CFAP77: variants seen among roughly 807,000 people sequenced by gnomAD.
CFAP77 encodes the protein cilia and flagella associated protein 77, also known as cilia- and flagella-associated protein 77.
A neutral mutation model predicts 31.1 loss-of-function variants in CFAP77; 25 were observed. The ratio of observed to expected loss-of-function variants is 0.80; its 90% CI spans 0.59 to 1.12. CFAP77 has a LOEUF of 1.12. CFAP77 is among the 50% of genes most tolerant of loss of function. The probability of loss-of-function intolerance (pLI) is 0.00; values close to 1 mark genes in which losing one functional copy is unlikely to be tolerated. For missense variants in CFAP77, 377 were observed against 397.3 expected (o/e 0.95, Z 0.44); for synonymous variants, 151 against 159.9 (o/e 0.94, Z 0.42).
At chr9:132,433,971 TAAAA>T (rs1229342874) in intron 1 of CFAP77, among the ~76,000 whole-genome samples, 2 of 129,926 alleles carry the variant, frequency 1.5e-5, no homozygotes, top group African/African-American at 2.9e-5. Context: ...ACCCCATGTG[TAAAA>T]AAAAAAAAAA....
chr9:132,423,448 C>G (rs551736674), intron 1 of CFAP77, among the ~76,000 whole-genome samples: 1 of 152,178 alleles, frequency 6.6e-6, no homozygotes, highest in South Asian at 2.1e-4. Flanking sequence ...CACTGTGTGC[C>G]GGGCACTGTG....
At position 132,572,464 on chromosome 9, in the gene CFAP77, C is replaced by G. The variant is rs775040831; in HGVS notation, c.809C>G (p.Ala270Gly). The change falls in exon 6 of 6, where the codon GCC (alanine) becomes GGC (glycine). Residue 270 changes from alanine to glycine, a missense_variant. Physicochemically the swap from Ala to Gly is moderately conservative, Grantham distance 60. Coordinates refer to ENST00000393216, the MANE Select transcript of CFAP77 (RefSeq NM_001282957.2). The part of the protein sequence containing the change: ...RALKAHREEC[A>G]VRQGTLRMGN... ...TTAAAAGCCCACCGGGAAGAGTGTG[C>G]CGTGCGCCAGGGGACCCTGCGGATG... 1.2e-6 allele frequency: 2 copies of G among 1,611,086 alleles called. No homozygotes were observed. Among genetic ancestry groups the G allele is most frequent in the African/African-American group, 2.7e-5 (2 of 74,912 alleles).
intron 1 of CFAP77, among the ~76,000 whole-genome samples, chr9:132,443,157 T>C (rs1850644100): frequency 6.6e-6 from 1 of 152,204 alleles, no homozygotes; most frequent in Admixed American, 6.5e-5. Context: ...AATGGCTAAA[T>C]AATACTCAAT....
chr9:132,496,592 A>T (rs1290343757), intron 1 of CFAP77, among the ~76,000 whole-genome samples: 1 of 152,200 alleles, frequency 6.6e-6, no homozygotes, highest in Non-Finnish European at 1.5e-5. Flanking sequence ...ATCATGCAGG[A>T]TGCGGCAGCC....
At chr9:132,518,389 AT>A (rs1345596462) in intron 3 of CFAP77, among the ~76,000 whole-genome samples, 1 of 152,198 alleles carries the variant, frequency 6.6e-6, no homozygotes, top group Admixed American at 6.5e-5. Context: ...CAGCTTAACC[AT>A]TAGGGGCAAA....
chr9:132,423,784 T>G (rs772814501), intron 1 of CFAP77, among the ~76,000 whole-genome samples: 3 of 152,194 alleles, frequency 2.0e-5, no homozygotes, highest in Non-Finnish European at 2.9e-5. Context: ...CAAGGCCACA[T>G]GAAGGGTAAA....
chr9:132,552,836 C>T lies in CFAP77; in HGVS notation c.732+9789C>T, dbSNP rs944168443. ...AGTGTCAACTCCACTCTTACAGTTA[C>T]GTTCAAATATGTGTTTACTGTGGCA... On this transcript the variant is annotated intron_variant, in intron 5 of 5. Transcript: ENST00000393216. The surrounding 1 kb of genome is among the most constrained non-coding windows in gnomAD (Gnocchi z 5.5). Among the ~76,000 whole-genome samples the T allele has an allele frequency of 3.9e-5, 6 of 152,064 alleles. 1 individual carries two copies. Among genetic ancestry groups the T allele is most frequent in the Admixed American group, 3.9e-4 (6 of 15,266 alleles).
intron 1 of CFAP77, among the ~76,000 whole-genome samples, chr9:132,419,172 T>A (rs1469313497): frequency 1.3e-5 from 2 of 152,268 alleles, no homozygotes; most frequent in African/African-American, 2.4e-5. Context: ...GGATTTTTGA[T>A]CTTTTATATG....
intron 1 of CFAP77, among the ~76,000 whole-genome samples, chr9:132,484,189 C>T (rs1235745621): frequency 6.6e-6 from 1 of 152,138 alleles, no homozygotes; most frequent in Non-Finnish European, 1.5e-5. Context: ...CTGCCCGCCT[C>T]AGCCTCCCAA....
At chr9:132,438,590 G>A (rs1008571148) in intron 1 of CFAP77, among the ~76,000 whole-genome samples, 37 of 142,016 alleles carry the variant, frequency 2.6e-4, no homozygotes, top group Admixed American at 2.5e-3. Flanking sequence ...AGGCTGGAAT[G>A]TGGTGTCACA....
rs941081937 is a variant in CFAP77, at chr9:132,554,039, C to A, written c.732+10992C>A. On this transcript the variant is annotated intron_variant, in intron 5 of 5. Coordinates refer to ENST00000393216, the MANE Select transcript of CFAP77 (RefSeq NM_001282957.2). This position sits in a 1 kb window ranked among gnomAD's most constrained non-coding sequence, Gnocchi z 4.1. ...CACCATTCCAGGGGCTTGGCAATGACCCCACGGGATGGGTAGTATGACCCT... is the reference window on the plus strand; with the variant it reads ...CACCATTCCAGGGGCTTGGCAATGAACCCACGGGATGGGTAGTATGACCCT... Among the ~76,000 whole-genome samples the A allele has an allele frequency of 6.6e-5, 10 of 152,302 alleles. No homozygotes were observed. The highest frequency in any genetic ancestry group is 5.9e-5 in the Non-Finnish European group (4 of 68,032).
At chr9:132,513,920 TGA>T (rs1564235487) in intron 3 of CFAP77, among the ~76,000 whole-genome samples, 1 of 123,464 alleles carries the variant, frequency 8.1e-6, no homozygotes, top group South Asian at 2.3e-4. Flanking sequence ...TGTGAGGAGA[TGA>T]CCCTTCCCCT....
chr9:132,569,728 CTTTTTTTTTTTT>C (rs558402201), intron 5 of CFAP77, among the ~76,000 whole-genome samples: 3 of 98,470 alleles, frequency 3.0e-5, no homozygotes, highest in Non-Finnish European at 5.7e-5. Flanking sequence ...TCTAGCTGCC[CTTTTTTTTTTTT>C]TTTTTTTTTT....
intron 1 of CFAP77, among the ~76,000 whole-genome samples, chr9:132,415,671 C>T (rs1437351175): frequency 6.6e-6 from 1 of 152,210 alleles, no homozygotes. Flanking sequence ...TCTTCTCACA[C>T]CTTCCAGAGC....
At position 132,517,135 on chromosome 9, in the gene CFAP77, C is replaced by A. The variant is rs557676376; in HGVS notation, c.524+17535C>A. 6.6e-6 allele frequency among the ~76,000 whole-genome samples: 1 copy of A among 152,084 alleles called. No homozygotes were observed. Among genetic ancestry groups the A allele is most frequent in the Non-Finnish European group, 1.5e-5 (1 of 68,002 alleles). Reference sequence around the variant, plus strand: ...TCCCTCATGGATCGGGTGTCGATTTCGTATCGTGGAGAGAAGCCCAGCCCT... The same window carrying A: ...TCCCTCATGGATCGGGTGTCGATTTAGTATCGTGGAGAGAAGCCCAGCCCT... On this transcript the variant is annotated intron_variant, in intron 3 of 5. Transcript: ENST00000393216. This position sits in a 1 kb window ranked among gnomAD's most constrained non-coding sequence, Gnocchi z 4.7.
At chr9:132,484,762 A>G (rs1355169282) in intron 1 of CFAP77, among the ~76,000 whole-genome samples, 2 of 152,114 alleles carry the variant, frequency 1.3e-5, no homozygotes, top group Non-Finnish European at 2.9e-5. Context: ...AGTAGCTATA[A>G]ATATGAACAC....
Position 132,498,538 on chromosome 9 carries a change from C to A in CFAP77, c.196-157C>A, listed in dbSNP as rs1851782459. 6.6e-6 allele frequency among the ~76,000 whole-genome samples: 1 copy of A among 152,162 alleles called. No individual in the cohort carries two copies. The highest frequency in any genetic ancestry group is 6.5e-5 in the Admixed American group (1 of 15,282). ...GTGCCAGCCACAGCCTGCGCTCCTC[C>A]CAGGGAGGGCTCTGCCACCCACTCC... On this transcript the variant is annotated intron_variant, in intron 1 of 5. Coordinates refer to ENST00000393216, the MANE Select transcript of CFAP77 (RefSeq NM_001282957.2). The surrounding 1 kb of genome is among the most constrained non-coding windows in gnomAD (Gnocchi z 4.2).
chr9:132,484,522 G>A (rs1589878640), intron 1 of CFAP77, among the ~76,000 whole-genome samples: 2 of 152,082 alleles, frequency 1.3e-5, no homozygotes, highest in South Asian at 4.1e-4. Flanking sequence ...CTTTTCCTTA[G>A]CATAATGCTT....
intron 3 of CFAP77, among the ~76,000 whole-genome samples, chr9:132,512,397 A>C (rs2118996763): frequency 6.6e-6 from 1 of 152,348 alleles, no homozygotes; most frequent in South Asian, 2.1e-4. Flanking sequence ...AATAAGGTCA[A>C]ATTTACAGGC....
Sources: allele counts gnomAD v4.1 joint callset (sites outside exome capture counted in the v4.1 genomes callset), GRCh38; gene constraint gnomAD v4.1.1; non-coding constraint Gnocchi (gnomAD v3.1); transcripts MANE v1.5; gene names NCBI Gene and HGNC (gene_info 2026-07-23, HGNC 2026-07-21).